The following SCMH1 variants were observed in gnomAD, a reference collection of about 807,000 sequenced individuals.
SCMH1 encodes Scm polycomb group protein homolog 1.
Under a neutral mutation model 70.8 loss-of-function variants are expected in SCMH1, and 37 were observed. The ratio of observed to expected loss-of-function variants is 0.52; its 90% CI spans 0.40 to 0.69. The LOEUF is 0.69. SCMH1 is among the 30% of genes least tolerant of loss of function. The pLI, the probability that SCMH1 is intolerant of heterozygous loss-of-function variation, is 0.00. For missense variants in SCMH1, 607 were observed against 827.3 expected, an observed-to-expected ratio of 0.73 and a Z score of 3.27; for synonymous variants, 292 against 307.4, an observed-to-expected ratio of 0.95 and a Z score of 0.52.
chr1:41,106,416 CCT>C lies in SCMH1; in HGVS notation c.745+6865_745+6866del, dbSNP rs1010268298. On this transcript the variant is annotated intron_variant, in intron 8 of 14. Coordinates refer to ENST00000337495, the Ensembl canonical transcript of SCMH1. The stretch of plus-strand genomic sequence containing the variant: ...TGCCTTCTACCATGAGTAAAAGCTC[CCT>C]GAGGCCTCCCCAGAAGCCAAGCTAT... Among the ~76,000 whole-genome samples, 6 of 151,854 alleles carry C rather than the reference CCT, an allele frequency of 4.0e-5. 1 individual carries two copies. Among genetic ancestry groups the C allele is most frequent in the African/African-American group, 1.2e-4 (5 of 41,186 alleles).
At chr1:41,204,571 G>A (rs1487587269) in intron 1 of SCMH1, among the ~76,000 whole-genome samples, 2 of 152,020 alleles carry the variant, frequency 1.3e-5, no homozygotes, top group Non-Finnish European at 2.9e-5. Flanking sequence ...TATGACCTTG[G>A]GGCCTTTACA....
chr1:41,194,167 T>C (rs1241734292), intron 1 of SCMH1, among the ~76,000 whole-genome samples: 1 of 152,170 alleles, frequency 6.6e-6, no homozygotes, highest in African/African-American at 2.4e-5. Flanking sequence ...AGTTTGCACA[T>C]TATAAAGGCA....
intron 1 of SCMH1, among the ~76,000 whole-genome samples, chr1:41,202,705 T>G (rs1462605264): frequency 6.6e-6 from 1 of 152,062 alleles, no homozygotes; most frequent in Non-Finnish European, 1.5e-5. Flanking sequence ...AGCAAGGGAA[T>G]AGGAGGTAGG....
At chr1:41,209,998 A>G (rs550536955) in intron 1 of SCMH1, among the ~76,000 whole-genome samples, 2 of 152,380 alleles carry the variant, frequency 1.3e-5, no homozygotes, top group South Asian at 4.1e-4. Context: ...TAAGTTGATA[A>G]GCAACTTCAG....
rs1450946056 is a variant in SCMH1, at chr1:41,235,999, G to A, written c.-118+6060C>T. On this transcript the variant is annotated intron_variant, in intron 1 of 14. Transcript: ENST00000337495. ...AATATTTTCATTCTTTTACTGACAG[G>A]CATTTAGACTAGTTCAAATTTTTTG... 2.0e-5 allele frequency among the ~76,000 whole-genome samples: 3 copies of A among 152,152 alleles called. No homozygotes were observed. The South Asian group carries it at 6.2e-4, about 32-fold the overall frequency.
exon 6 of SCMH1, chr1:41,143,074 C>T: frequency 2.5e-6 from 4 of 1,614,088 alleles, no homozygotes; most frequent in Non-Finnish European, 2.5e-6. Context: ...CTTCCAATTT[C>T]ATACTGATCT....
intron 1 of SCMH1, among the ~76,000 whole-genome samples, chr1:41,205,300 G>A (rs539308379): frequency 4.1e-4 from 62 of 152,310 alleles, no homozygotes; most frequent in Admixed American, 1.1e-3. Flanking sequence ...AAGGGAGGCC[G>A]TGACAGACTG....
At chr1:41,055,601 C>T (rs989613436) in intron 10 of SCMH1, among the ~76,000 whole-genome samples, 3 of 152,168 alleles carry the variant, frequency 2.0e-5, no homozygotes, top group African/African-American at 4.8e-5. Context: ...CAAAGTGCTG[C>T]GATTACAGGC....
At chr1:41,045,122 TTGTC>T (rs1646737435) in intron 12 of SCMH1, among the ~76,000 whole-genome samples, 1 of 152,214 alleles carries the variant, frequency 6.6e-6, no homozygotes, top group Non-Finnish European at 1.5e-5. Context: ...AAACTTGCCT[TTGTC>T]TGGACCAGCT....
At chr1:41,127,912 G>A (rs1477786778) in intron 6 of SCMH1, among the ~76,000 whole-genome samples, 1 of 152,022 alleles carries the variant, frequency 6.6e-6, no homozygotes, top group Non-Finnish European at 1.5e-5. Flanking sequence ...CCTTGATCTT[G>A]GACTTTCCAG....
intron 7 of SCMH1, among the ~76,000 whole-genome samples, chr1:41,114,661 TTCTCTCTC>T (rs61013208): frequency 1.8e-3 from 264 of 148,276 alleles, no homozygotes; most frequent in Admixed American, 4.1e-3. Context: ...AAGATTTCCT[TTCTCTCTC>T]TCTCTCTCTC....
chr1:41,086,243 A>T (rs973073402), intron 8 of SCMH1, among the ~76,000 whole-genome samples: 1 of 152,322 alleles, frequency 6.6e-6, no homozygotes, highest in South Asian at 2.1e-4. Flanking sequence ...AGCTAGCTCA[A>T]ACAGTGAAAG....
At chr1:41,057,080 A>C (rs1246208923) in intron 10 of SCMH1, among the ~76,000 whole-genome samples, 2 of 151,286 alleles carry the variant, frequency 1.3e-5, no homozygotes. Context: ...GAAATACCGC[A>C]CTCCAGGCCA....
intron 6 of SCMH1, among the ~76,000 whole-genome samples, chr1:41,129,809 T>TG (rs1157365731): frequency 4.6e-5 from 7 of 152,244 alleles, no homozygotes; most frequent in East Asian, 1.9e-4. Flanking sequence ...AGAAAATAGT[T>TG]GGGGGTCTCA....
chr1:41,194,291 T>A lies in SCMH1; in HGVS notation c.-117-8041A>T, dbSNP rs535854442. 3.3e-5 allele frequency among the ~76,000 whole-genome samples: 5 copies of A among 152,354 alleles called. No homozygotes were observed. In the South Asian group the frequency reaches 1.0e-3, roughly 32 times the overall value. On this transcript the variant is annotated intron_variant, in intron 1 of 14. Transcript: ENST00000337495. ...CACAGCCTAATAGAGGATAACTCTC[T>A]ATTTCTACTATGTATAAATACAGGT...
intron 8 of SCMH1, 86 bp from the exon 9 acceptor site, chr1:41,075,537 G>C: frequency 9.0e-7 from 1 of 1,110,176 alleles, no homozygotes. Flanking sequence ...TGCCACTTCT[G>C]CTCAGGTAGT....
chr1:41,192,018 T>C (rs1241122536), intron 1 of SCMH1, among the ~76,000 whole-genome samples: 2 of 152,206 alleles, frequency 1.3e-5, no homozygotes, highest in Non-Finnish European at 2.9e-5. Flanking sequence ...CTTTCATGTG[T>C]GCAAGGAAAA....
chr1:41,167,753 G>A (rs760295136), intron 2 of SCMH1, among the ~76,000 whole-genome samples: 52 of 151,982 alleles, frequency 3.4e-4, no homozygotes, highest in African/African-American at 9.4e-4. Context: ...ATGTTTTCAC[G>A]TTGCTGATTA....
intron 13 of SCMH1, among the ~76,000 whole-genome samples, chr1:41,034,924 A>G (rs1343951684): frequency 1.3e-5 from 2 of 151,650 alleles, no homozygotes; most frequent in East Asian, 3.9e-4. Context: ...TTCCACCCCA[A>G]CTCCTGCTCT....
Sources: allele counts gnomAD v4.1 joint callset (sites outside exome capture counted in the v4.1 genomes callset), GRCh38; gene constraint gnomAD v4.1.1; transcripts MANE v1.5; gene names NCBI Gene and HGNC (gene_info 2026-07-23, HGNC 2026-07-21).